Variants in PTPN13 observed in about 807,000 individuals in gnomAD.
PTPN13 encodes the protein tyrosine-protein phosphatase non-receptor type 13.
Under a neutral mutation model 284.0 loss-of-function variants are expected in PTPN13, and 191 were observed. That is an observed-to-expected ratio of 0.67 (90% CI 0.60 to 0.76). The LOEUF is 0.76. PTPN13 is among the 30% of genes least tolerant of loss of function. The pLI, the probability that PTPN13 is intolerant of heterozygous loss-of-function variation, is 0.00. For synonymous variants in PTPN13, 986 were observed against 1,022.3 expected, an observed-to-expected ratio of 0.96 and a Z score of 0.68; for missense variants, 2,797 against 2,939.9, an observed-to-expected ratio of 0.95 and a Z score of 1.12.
intron 1 of PTPN13, among the ~76,000 whole-genome samples, chr4:86,633,180 A>G (rs78062672): frequency 0.047 from 7,097 of 152,204 alleles, 221 homozygotes; most frequent in African/African-American, 0.061. Context: ...AAATTTTAGG[A>G]CATTTTAATC....
At chr4:86,661,310 T>A (rs559100577) in intron 2 of PTPN13, 6 of 246,422 alleles carry the variant, frequency 2.4e-5, no homozygotes, top group African/African-American at 4.7e-5. Flanking sequence ...TGACTAAGGC[T>A]TTTACAGAAA....
chr4:86,597,485 A>C (rs577559141), intron 1 of PTPN13, among the ~76,000 whole-genome samples: 5 of 152,340 alleles, frequency 3.3e-5, no homozygotes, highest in Admixed American at 1.3e-4. Flanking sequence ...TAATGAGTAC[A>C]TTAATGTAGG....
rs374824213 is a variant in PTPN13, at chr4:86,732,771, C to A, written c.1858+5C>A. ...TTGCTTTAGCTACCCTCAAAGGTAC[C>A]AAGACATTTTATATTCAGAGTACAG... On this transcript the variant is annotated splice_donor_5th_base_variant and intron_variant, in intron 12 of 47. Transcript: ENST00000411767. The A allele has an allele frequency of 6.2e-7, 1 of 1,609,702 alleles. No individual in the cohort carries two copies. Among genetic ancestry groups the A allele is most frequent in the East Asian group, 2.2e-5 (1 of 44,734 alleles).
At chr4:86,809,739 T>C (rs375422363) in intron 45 of PTPN13, 30 bp from the exon 46 acceptor site, 1 of 1,558,830 alleles carries the variant, frequency 6.4e-7, no homozygotes, top group Non-Finnish European at 8.9e-7. Flanking sequence ...TAACATGTCA[T>C]GATCCACTTA....
intron 1 of PTPN13, among the ~76,000 whole-genome samples, chr4:86,604,055 T>C (rs1422948994): frequency 3.3e-5 from 5 of 152,070 alleles, no homozygotes; most frequent in South Asian, 2.1e-4. Context: ...CATTCTTAAG[T>C]GTTTAGCTTT....
chr4:86,662,694 T>C lies in PTPN13; in HGVS notation c.116-9671T>C, dbSNP rs1381480518. Reference sequence around the variant, plus strand: ...CGTTTAGAAGTCTGCAGCTAAAATATTACACATACATAGAGTAGTTTTGCT... The same window carrying C: ...CGTTTAGAAGTCTGCAGCTAAAATACTACACATACATAGAGTAGTTTTGCT... On this transcript the variant is annotated intron_variant, in intron 2 of 47. Transcript: ENST00000411767. Among the ~76,000 whole-genome samples, 3 of 152,216 alleles carry C rather than the reference T, an allele frequency of 2.0e-5. No homozygotes were observed. The South Asian group carries it at 6.2e-4, about 31-fold the overall frequency.
chr4:86,788,141 A>G (rs919348846), intron 40 of PTPN13, among the ~76,000 whole-genome samples: 15 of 152,308 alleles, frequency 9.8e-5, no homozygotes, highest in African/African-American at 2.9e-4. Flanking sequence ...ACATTTAAAA[A>G]TTTTATTTGT....
At chr4:86,607,303 A>G (rs1279504617) in intron 1 of PTPN13, among the ~76,000 whole-genome samples, 1 of 151,918 alleles carries the variant, frequency 6.6e-6, no homozygotes. Context: ...ATTCTATGCC[A>G]TTATAATCTG....
intron 1 of PTPN13, among the ~76,000 whole-genome samples, chr4:86,617,839 G>A (rs1392746789): frequency 6.6e-6 from 1 of 152,052 alleles, no homozygotes; most frequent in East Asian, 1.9e-4. Flanking sequence ...TTTGTCAGAT[G>A]AGTAGATTGC....
chr4:86,804,122 TAA>T (rs76642242), intron 43 of PTPN13, among the ~76,000 whole-genome samples: 4 of 135,408 alleles, frequency 3.0e-5, no homozygotes, highest in East Asian at 2.1e-4. Flanking sequence ...TAAAAATGTT[TAA>T]AAAAAAAAAA....
chr4:86,703,599 G>A (rs1023379575), intron 7 of PTPN13, among the ~76,000 whole-genome samples: 1 of 151,970 alleles, frequency 6.6e-6, no homozygotes, highest in African/African-American at 2.4e-5. Context: ...AGGCATGGTG[G>A]GTCACACCTG....
intron 1 of PTPN13, among the ~76,000 whole-genome samples, chr4:86,606,926 T>C (rs370045852): frequency 6.6e-6 from 1 of 151,904 alleles, no homozygotes; most frequent in Non-Finnish European, 1.5e-5. Flanking sequence ...TCTGCTGCTT[T>C]TTGTATTGCC....
intron 4 of PTPN13, among the ~76,000 whole-genome samples, chr4:86,688,043 A>G (rs1729626187): frequency 6.6e-6 from 1 of 152,222 alleles, no homozygotes; most frequent in Non-Finnish European, 1.5e-5. Context: ...GCCAACTGCA[A>G]CATAATGCAA....
At chr4:86,756,133 G>C (rs1029660147) in intron 20 of PTPN13, among the ~76,000 whole-genome samples, 2 of 151,738 alleles carry the variant, frequency 1.3e-5, no homozygotes, top group African/African-American at 4.8e-5. Context: ...AGGAGGAAAT[G>C]GAAATTTAAA....
intron 15 of PTPN13, among the ~76,000 whole-genome samples, chr4:86,737,035 A>G (rs557937768): frequency 2.6e-5 from 4 of 152,244 alleles, no homozygotes; most frequent in Admixed American, 1.3e-4. Flanking sequence ...TTTACATACA[A>G]TAAAATTTAC....
Position 86,763,113 on chromosome 4 carries a change from G to A in PTPN13, c.3940G>A (p.Asp1314Asn). Residue 1314 changes from aspartate to asparagine, a missense_variant, in exon 24 of 48, where the codon GAT becomes AAT. Physicochemically the swap from Asp to Asn is conservative, Grantham distance 23. Transcript: ENST00000411767. The stretch of plus-strand genomic sequence containing the variant: ...AAAGCCAGGCATTTCTGATGTAACT[G>A]ATTACTCAGACCGTGGAGATTCAGA... The part of the protein sequence containing the change: ...TKKPGISDVT[D>N]YSDRGDSDMD... The A allele has an allele frequency of 6.2e-7, 1 of 1,613,214 alleles. No individual in the cohort carries two copies.
chr4:86,618,160 C>A (rs1383471231), intron 1 of PTPN13, among the ~76,000 whole-genome samples: 1 of 151,938 alleles, frequency 6.6e-6, no homozygotes, highest in Non-Finnish European at 1.5e-5. Context: ...GCCAGTTTTC[C>A]CAGCACCATT....
intron 15 of PTPN13, among the ~76,000 whole-genome samples, chr4:86,740,859 T>C (rs1356740120): frequency 2.0e-5 from 3 of 152,008 alleles, no homozygotes; most frequent in Non-Finnish European, 4.4e-5. Context: ...CTCTCTCAAG[T>C]TGAAAGTTCC....
chr4:86,638,267 A>C, intron 2 of PTPN13, among the ~76,000 whole-genome samples: 1 of 152,216 alleles, frequency 6.6e-6, no homozygotes, highest in Non-Finnish European at 1.5e-5. Flanking sequence ...GGTAATTTAT[A>C]CATTCAATGC....
Sources: gnomAD v4.1 joint callset for allele counts (sites outside exome capture counted in the v4.1 genomes callset) on GRCh38, gnomAD v4.1.1 for gene constraint, MANE v1.5 for transcripts, NCBI Gene and HGNC (gene_info 2026-07-23, HGNC 2026-07-21) for gene names.